CENPE: variants seen among roughly 807,000 people sequenced by gnomAD.
CENPE encodes the protein centromere-associated protein E.
A neutral mutation model predicts 336.1 loss-of-function variants in CENPE; 145 were observed. That is an observed-to-expected ratio of 0.43 (90% CI 0.38 to 0.50). The LOEUF (loss-of-function observed/expected upper bound fraction) is 0.50, where lower values mean the gene tolerates loss of function less well. Among genes scored for constraint, CENPE ranks in the 20% least tolerant of loss-of-function variants. The pLI, the probability that CENPE is intolerant of heterozygous loss-of-function variation, is 0.00. For synonymous variants in CENPE, 1,013 were observed against 984.8 expected, an observed-to-expected ratio of 1.03 and a Z score of -0.54; for missense variants, 2,719 against 3,023.3, an observed-to-expected ratio of 0.90 and a Z score of 2.36.
chr4:103,183,390 A>G, intron 9 of CENPE, 102 bp from the exon 10 acceptor site: 1 of 863,142 alleles, frequency 1.2e-6, no homozygotes, highest in Non-Finnish European at 1.8e-6. Context: ...GGCAGATGCT[A>G]AAGTCTATGC....
chr4:103,158,957 C>T, intron 22 of CENPE, 53 bp downstream of exon 22: 2 of 1,536,482 alleles, frequency 1.3e-6, no homozygotes. Context: ...TATACAGAAA[C>T]CAAAACCCCA....
Position 103,109,236 on chromosome 4 carries a change from A to C in CENPE, c.7725-147T>G, listed in dbSNP as rs76973252. On this transcript the variant is annotated intron_variant, in intron 47 of 48. Coordinates refer to ENST00000265148, the MANE Select transcript of CENPE (RefSeq NM_001813.3). The stretch of plus-strand genomic sequence containing the variant: ...TTTATCACATTTACATTTTAATTTC[A>C]ACCTCATGCTTCCTGTTTTGACTAT... The C allele has an allele frequency of 1.3e-3, 862 of 677,728 alleles. 1 individual carries two copies. Among genetic ancestry groups the C allele is most frequent in the African/African-American group, 0.012 (669 of 53,580 alleles). 42.0% of individuals were successfully genotyped at this position (677,728 alleles called of 1,614,324 possible).
In CENPE at chr4:103,175,348, A is replaced by C. The variant is rs185605619; in HGVS notation, c.1480-445T>G. ...GAGAAGAGATAAACCATGAGTTAAA[A>C]AAATACTTTTTTACACCAGAGATTG... On this transcript the variant is annotated intron_variant, in intron 15 of 48. Coordinates refer to ENST00000265148, the MANE Select transcript of CENPE (RefSeq NM_001813.3). Among the ~76,000 whole-genome samples, 404 of 152,120 alleles carry C rather than the reference A, an allele frequency of 2.7e-3. 1 individual carries two copies. Among genetic ancestry groups the C allele is most frequent in the African/African-American group, 9.3e-3 (388 of 41,556 alleles).
intron 28 of CENPE, 90 bp from the exon 29 acceptor site, chr4:103,147,736 C>T: frequency 2.5e-6 from 3 of 1,178,232 alleles, no homozygotes; most frequent in Non-Finnish European, 3.5e-6. Flanking sequence ...CTCTGTTGCC[C>T]AGGTGGGAGT....
intron 16 of CENPE, among the ~76,000 whole-genome samples, chr4:103,171,107 T>C (rs567527328): frequency 2.0e-5 from 3 of 152,168 alleles, no homozygotes; most frequent in South Asian, 2.1e-4. Context: ...CTTTCAGCAA[T>C]GGACAGATTA....
intron 25 of CENPE, among the ~76,000 whole-genome samples, chr4:103,152,485 T>C (rs1276914347): frequency 6.6e-6 from 1 of 152,218 alleles, no homozygotes; most frequent in African/African-American, 2.4e-5. Context: ...AAGTTAAACA[T>C]ATTCTTCCCT....
rs902216023 is a variant in CENPE, at chr4:103,140,964, T to C, written c.5604A>G (p.Ile1868Met). The C allele has an allele frequency of 3.7e-6, 6 of 1,612,244 alleles. No homozygotes were observed. In the East Asian group the frequency reaches 8.9e-5, roughly 24 times the overall value. Residue 1868 changes from isoleucine to methionine, a missense_variant, in exon 36 of 49, where the codon ATA becomes ATG. Ile to Met is a conservative substitution (Grantham distance 10). Transcript: ENST00000265148. ...DQSLTLSKLEIENLNLAQKLH... is the reference protein window; with the variant it reads ...DQSLTLSKLEMENLNLAQKLH... The stretch of plus-strand genomic sequence containing the variant: ...GTTTCTGAGCCAAATTTAAATTCTC[T>C]ATTTCTAATTTACTCAGAGTTAAGC...
intron 14 of CENPE, among the ~76,000 whole-genome samples, 194 bp downstream of exon 14, chr4:103,176,705 G>A (rs962946589): frequency 2.0e-5 from 3 of 152,166 alleles, no homozygotes; most frequent in East Asian, 1.9e-4. Context: ...GATTACAGGC[G>A]CCTGCAACCA....
chr4:103,144,879 T>G (rs541435184), intron 32 of CENPE, among the ~76,000 whole-genome samples, 171 bp downstream of exon 32: 1 of 152,246 alleles, frequency 6.6e-6, no homozygotes, highest in South Asian at 2.1e-4. Context: ...ATATTCTGTC[T>G]ACTAACAGTT....
At chr4:103,172,387 T>C (rs535015748) in intron 16 of CENPE, among the ~76,000 whole-genome samples, 1 of 152,094 alleles carries the variant, frequency 6.6e-6, no homozygotes, top group South Asian at 2.1e-4. Context: ...AGAAAAATCA[T>C]GACAGAGTTC....
intron 8 of CENPE, among the ~76,000 whole-genome samples, chr4:103,190,953 A>C (rs936959295): frequency 6.6e-6 from 1 of 152,058 alleles, no homozygotes; most frequent in Non-Finnish European, 1.5e-5. Context: ...TAGAAAAAAA[A>C]AAAACAAACA....
At chr4:103,183,377 G>A in intron 9 of CENPE, 89 bp from the exon 10 acceptor site, 3 of 978,312 alleles carry the variant, frequency 3.1e-6, no homozygotes, top group Non-Finnish European at 3.1e-6. Flanking sequence ...AGAGAAATTA[G>A]AGGGCAGATG....
In CENPE at chr4:103,149,298, G is replaced by T; in HGVS notation, c.3507C>A (p.Asn1169Lys). The change falls in exon 27 of 49, where the codon AAC becomes AAA. Residue 1169 changes from asparagine to lysine, a missense_variant. Around this residue, in one of 5 missense-constraint regions of CENPE, gnomAD observed 2,437 missense variants for 2,513.3 expected, o/e 0.97. Transcript: ENST00000265148. ...EIENLKNELKNKELTLEHMET... is the reference protein window; with the variant it reads ...EIENLKNELKKKELTLEHMET... The stretch of plus-strand genomic sequence containing the variant: ...CCATATGTTCCAATGTCAATTCTTT[G>T]TTCTTTAATTCATTCTTTAAATTCT... The T allele has an allele frequency of 6.2e-7, 1 of 1,611,944 alleles. No individual in the cohort carries two copies. The highest frequency in any genetic ancestry group is 8.5e-7 in the Non-Finnish European group (1 of 1,179,454).
chr4:103,160,162 G>A (rs1272672751), intron 21 of CENPE, among the ~76,000 whole-genome samples: 1 of 151,860 alleles, frequency 6.6e-6, no homozygotes, highest in Non-Finnish European at 1.5e-5. Flanking sequence ...TTTTAGACAA[G>A]TAGAAAGAAA....
chr4:103,182,797 G>C lies in CENPE; in HGVS notation c.928C>G (p.Pro310Ala), dbSNP rs771845281. The change falls in exon 11 of 49, where the codon CCA becomes GCA. Residue 310 changes from proline to alanine, a missense_variant. Physicochemically the swap from Pro to Ala is conservative, Grantham distance 27. This residue lies in a region of CENPE where 117 missense variants were observed against 215.8 expected (regional missense o/e 0.54). Coordinates refer to ENST00000265148, the MANE Select transcript of CENPE (RefSeq NM_001813.3). The part of the protein sequence containing the change: ...AKTRIICTIT[P>A]VSFDETLTAL... ...GTAAGTGTTTCATCAAAAGATACTG[G>C]AGTAATTGTGCAGATAATACGTGTC... The C allele has an allele frequency of 1.2e-6, 2 of 1,611,972 alleles. No homozygotes were observed. Among genetic ancestry groups the C allele is most frequent in the Non-Finnish European group, 8.5e-7 (1 of 1,178,904 alleles).
Position 103,176,898 on chromosome 4 carries a change from C to A in CENPE, c.1390+1G>T. 1 of 1,561,584 alleles carries A rather than the reference C, an allele frequency of 6.4e-7. No homozygotes were observed. The highest frequency in any genetic ancestry group is 1.2e-5 in the South Asian group (1 of 85,364). On this transcript the variant is annotated splice_donor_variant, in intron 14 of 48. Transcript: ENST00000265148. LOFTEE classifies it high-confidence loss of function. ...TAGTTCCACTTGAAAAAAGCACTCA[C>A]ATTCATCAATTTCTCGTAATAAATT...
At chr4:103,168,983 C>G (rs535501996) in intron 16 of CENPE, among the ~76,000 whole-genome samples, 1 of 152,126 alleles carries the variant, frequency 6.6e-6, no homozygotes, top group African/African-American at 2.4e-5. Flanking sequence ...GGTGACTGAT[C>G]CTAAAAGATG....
At chr4:103,160,387 G>C (rs577428954) in intron 21 of CENPE, among the ~76,000 whole-genome samples, 48 of 151,850 alleles carry the variant, frequency 3.2e-4, no homozygotes, top group African/African-American at 1.1e-3. Context: ...CTGCTACATG[G>C]ATTATATTAC....
intron 16 of CENPE, among the ~76,000 whole-genome samples, chr4:103,164,187 G>C (rs1371177480): frequency 6.6e-6 from 1 of 152,048 alleles, no homozygotes; most frequent in African/African-American, 2.4e-5. Flanking sequence ...CCATGTAAAA[G>C]TATAAAGGTA....
Sources: gnomAD v4.1 joint callset for allele counts (sites outside exome capture counted in the v4.1 genomes callset) on GRCh38, gnomAD v4.1.1 for gene constraint, gnomAD v4.1.1 regional missense constraint, MANE v1.5 for transcripts, NCBI Gene and HGNC (gene_info 2026-07-23, HGNC 2026-07-21) for gene names.